The following SSPN variants were observed in gnomAD, a reference collection of about 807,000 sequenced individuals.
SSPN encodes the protein sarcospan.
In SSPN, 15 loss-of-function variants were observed where a neutral mutation model predicts 19.1. The observed-to-expected ratio is 0.78, with a 90% CI of 0.52 to 1.21. The LOEUF is 1.21. Ranked by LOEUF, SSPN falls within the 50% of genes most tolerant of loss-of-function variation. The pLI, the probability that SSPN is intolerant of heterozygous loss-of-function variation, is 0.00. For missense variants in SSPN, 291 were observed against 314.0 expected, an observed-to-expected ratio of 0.93 and a Z score of 0.55; for synonymous variants, 147 against 140.3, an observed-to-expected ratio of 1.05 and a Z score of -0.34.
chr12:26,223,500 G>A (rs1300951312), intron 1 of SSPN, among the ~76,000 whole-genome samples: 9 of 138,034 alleles, frequency 6.5e-5, no homozygotes, highest in Admixed American at 6.3e-4. Flanking sequence ...ATGAGGCACC[G>A]CACCCGCTTA....
intron 1 of SSPN, among the ~76,000 whole-genome samples, chr12:26,185,223 C>T (rs1944745219): frequency 6.6e-6 from 1 of 152,154 alleles, no homozygotes; most frequent in Non-Finnish European, 1.5e-5. Flanking sequence ...ATTCAATAAA[C>T]ATTTATTGAG....
chr12:26,177,230 C>T (rs1215430819), intron 1 of SSPN, among the ~76,000 whole-genome samples: 1 of 152,174 alleles, frequency 6.6e-6, no homozygotes, highest in African/African-American at 2.4e-5. Context: ...TTATTATTCC[C>T]ACCTGTCTCT....
chr12:26,155,040 C>G (rs1451325588), intron 1 of SSPN, among the ~76,000 whole-genome samples: 2 of 152,112 alleles, frequency 1.3e-5, no homozygotes, highest in Non-Finnish European at 2.9e-5. Context: ...CTCTATCAGA[C>G]TACTAGAGGA....
At chr12:26,172,823 G>A (rs1041392391) in intron 1 of SSPN, among the ~76,000 whole-genome samples, 1 of 151,162 alleles carries the variant, frequency 6.6e-6, no homozygotes, top group South Asian at 2.1e-4. Context: ...GTGCAGTGGC[G>A]CGATTAGAAT....
At chr12:26,230,682 CA>C in intron 2 of SSPN, 28 bp from the exon 3 acceptor site, 1 of 1,570,240 alleles carries the variant, frequency 6.4e-7, no homozygotes, top group Non-Finnish European at 8.7e-7. Flanking sequence ...TCTTTGTAAC[CA>C]GAAAGGTTTT....
chr12:26,187,070 C>T (rs991005641), intron 1 of SSPN, among the ~76,000 whole-genome samples: 3 of 152,226 alleles, frequency 2.0e-5, no homozygotes, highest in African/African-American at 7.2e-5. Flanking sequence ...AGCTCCCCTT[C>T]CAAAAGGAAG....
At chr12:26,145,776 C>T (rs1427619555) in intron 1 of SSPN, among the ~76,000 whole-genome samples, 3 of 152,266 alleles carry the variant, frequency 2.0e-5, no homozygotes, top group East Asian at 1.9e-4. Context: ...AACTGGTATT[C>T]CGCCCTCGTG....
chr12:26,125,374 G>A (rs1944355529), intron 1 of SSPN: 1 of 180,552 alleles, frequency 5.5e-6, no homozygotes, highest in Admixed American at 5.4e-5. Flanking sequence ...TTACGGTGCA[G>A]GAATGTGAAC....
At chr12:26,132,596 T>C (rs1238285436) in intron 1 of SSPN, among the ~76,000 whole-genome samples, 2 of 152,144 alleles carry the variant, frequency 1.3e-5, no homozygotes, top group Non-Finnish European at 2.9e-5. Flanking sequence ...CTCCCTTGCT[T>C]TCCTGAGCCA....
intron 1 of SSPN, among the ~76,000 whole-genome samples, chr12:26,174,500 C>T (rs1258358844): frequency 8.4e-6 from 1 of 118,956 alleles, no homozygotes; most frequent in Non-Finnish European, 1.7e-5. Context: ...TCCTTCCTTC[C>T]TTCCCTTCCT....
Position 26,232,953 on chromosome 12 carries a change from A to T in SSPN, c.*1877A>T, listed in dbSNP as rs1945249667. 6.5e-6 allele frequency: 1 copy of T among 153,650 alleles called. No homozygotes were observed. The highest frequency in any genetic ancestry group is 6.6e-5 in the Admixed American group (1 of 15,158). The allele number at this position is 153,650 out of a possible 1,614,324, so 9.5% of individuals were successfully genotyped here. On this transcript the variant is annotated 3_prime_UTR_variant, in exon 3 of 3. Transcript: ENST00000242729. ...CCCTATTAAAAAAAAAAAAAAAAAA[A>T]AAGCCAGTAACTGAATCCATTTTGA...
chr12:26,141,191 A>G (rs962988029), intron 1 of SSPN, among the ~76,000 whole-genome samples: 6 of 152,224 alleles, frequency 3.9e-5, no homozygotes, highest in African/African-American at 1.4e-4. Context: ...GGATGTTTAT[A>G]AGTGGAAGCA....
At chr12:26,125,060 G>C (rs1053790706) in intron 1 of SSPN, 8 of 533,788 alleles carry the variant, frequency 1.5e-5, no homozygotes, top group African/African-American at 7.6e-5. Context: ...GCGCGTCGCC[G>C]GCCAGACCAG....
chr12:26,122,936 G>A (rs1253093344), intron 1 of SSPN: 5 of 1,552,354 alleles, frequency 3.2e-6, no homozygotes, highest in East Asian at 2.4e-5. Flanking sequence ...CGGCGGCCGA[G>A]GGAGCGCCGG....
chr12:26,150,019 C>T (rs984793622), intron 1 of SSPN, among the ~76,000 whole-genome samples: 2 of 152,182 alleles, frequency 1.3e-5, no homozygotes, highest in Non-Finnish European at 2.9e-5. Context: ...AACATGGGCA[C>T]ATAACTTTGC....
chr12:26,195,643 A>ATCCCCCCCCC lies in SSPN; in HGVS notation c.-30_-29insTCCCCCCCCC. On this transcript the variant is annotated 5_prime_UTR_variant, in exon 1 of 3. Coordinates refer to ENST00000242729, the MANE Select transcript of SSPN (RefSeq NM_005086.5). ...CCAGGGCCCAGGGCGCCGCACACGC[A>ATCCCCCCCCC]CCCACCCACCCACCCAGCCTCGCAG... The ATCCCCCCCCC allele has an allele frequency of 8.3e-6, 2 of 242,024 alleles. No individual in the cohort carries two copies. The highest frequency in any genetic ancestry group is 1.3e-4 in the South Asian group (2 of 15,712). 15.0% of individuals were successfully genotyped at this position (242,024 alleles called of 1,614,324 possible).
chr12:26,195,017 A>T (rs1407070289), upstream of SSPN, among the ~76,000 whole-genome samples: 2 of 151,964 alleles, frequency 1.3e-5, no homozygotes, highest in African/African-American at 2.4e-5. Flanking sequence ...TTAATAACAT[A>T]TGTGAAAGAG....
intron 1 of SSPN, among the ~76,000 whole-genome samples, chr12:26,128,455 A>C (rs1033503066): frequency 3.3e-5 from 5 of 152,240 alleles, no homozygotes; most frequent in African/African-American, 1.2e-4. Flanking sequence ...GGACAGATGG[A>C]AGTACAGTTT....
At chr12:26,124,783 CA>C (rs1215456857) in intron 1 of SSPN, 1 of 1,614,164 alleles carries the variant, frequency 6.2e-7, no homozygotes, top group South Asian at 1.1e-5. Flanking sequence ...CGTCCATGTT[CA>C]ACTGCTGTTC....
Sources: allele counts gnomAD v4.1 joint callset (sites outside exome capture counted in the v4.1 genomes callset), GRCh38; gene constraint gnomAD v4.1.1; transcripts MANE v1.5; gene names NCBI Gene and HGNC (gene_info 2026-07-23, HGNC 2026-07-21).